The following IDUA variants were observed in gnomAD, a reference collection of about 807,000 sequenced individuals.
IDUA encodes the protein iduronidase alpha-L-.
IDUA carries 65 observed loss-of-function variants against 68.9 expected under a neutral mutation model. That is an observed-to-expected ratio of 0.94 (90% confidence interval 0.77 to 1.16). The LOEUF is 1.16. IDUA is among the 50% of genes most tolerant of loss of function. The pLI is 0.00. For missense variants in IDUA, 1,046 were observed against 938.0 expected (o/e 1.12, Z -1.50); for synonymous variants, 529 against 433.6 (o/e 1.22, Z -2.73).
rs1715022748 is a variant in IDUA, at chr4:1,000,754, T to G, written c.385+57T>G. 5 of 1,414,808 alleles carry G rather than the reference T, an allele frequency of 3.5e-6. No homozygotes were observed. The East Asian group carries it at 1.2e-4, about 34-fold the overall frequency. 87.6% of individuals were successfully genotyped at this position (1,414,808 alleles called of 1,614,324 possible). A position where few individuals can be genotyped will look rare whatever the true frequency, so the allele number is the denominator to read the frequency against. ...CTGCACCCCCTTGCCCTGCCCACCCTCTCCCTCACCCAGCCCCTCTGAGTC... is the reference window on the plus strand; with the variant it reads ...CTGCACCCCCTTGCCCTGCCCACCCGCTCCCTCACCCAGCCCCTCTGAGTC... On this transcript the variant is annotated intron_variant, in intron 3 of 13. Transcript: ENST00000514224.
chr4:989,839 T>C, intron 2 of IDUA: 2 of 1,579,364 alleles, frequency 1.3e-6, no homozygotes, highest in South Asian at 1.2e-5. Flanking sequence ...AGAGTAGCCG[T>C]GACTGCGGGC....
chr4:1,001,936 C>T, intron 6 of IDUA, 46 bp from the exon 7 acceptor site: 2 of 1,569,752 alleles, frequency 1.3e-6, no homozygotes, highest in South Asian at 2.3e-5. Context: ...CCGCTGTGCC[C>T]CGGGCCGCGC....
At chr4:993,780 C>T (rs560903839) in intron 2 of IDUA, among the ~76,000 whole-genome samples, 137 of 152,324 alleles carry the variant, frequency 9.0e-4, no homozygotes, top group South Asian at 2.7e-3. Context: ...CGCCGGACAC[C>T]CTCCTGGTCC....
In IDUA at chr4:1,001,757, A is replaced by T; in HGVS notation, c.668A>T (p.Asp223Val). 1 of 1,595,192 alleles carries T rather than the reference A, an allele frequency of 6.3e-7. No homozygotes were observed. The highest frequency in any genetic ancestry group is 8.5e-7 in the Non-Finnish European group (1 of 1,176,294). The part of the protein sequence containing the change: ...SPALRLGGPG[D>V]SFHTPPRSPL... ...GCCCTGCGGCTGGGAGGCCCCGGCG[A>T]CTCCTTCCACACCCCACCGCGATCC... Residue 223 changes from aspartate to valine, a missense_variant, in exon 6 of 14, where the codon GAC (aspartate) becomes GTC (valine). Transcript: ENST00000514224.
At chr4:1,003,769 C>T (rs1715274193) in intron 12 of IDUA, 144 bp downstream of exon 12, 11 of 978,522 alleles carry the variant, frequency 1.1e-5, no homozygotes, top group Non-Finnish European at 1.7e-5. Context: ...GCCCTTCACC[C>T]CACACACTGT....
Position 999,957 on chromosome 4 carries a change from C to T in IDUA, c.300-655C>T, listed in dbSNP as rs1229292334. ...GCCTGTCCCCTCGGAATGCAGGCCT[C>T]GTGGGAATTCAGCCCCATCTGCAAG... On this transcript the variant is annotated intron_variant, in intron 2 of 13. Transcript: ENST00000514224. 5 of 133,886 alleles carry T rather than the reference C, an allele frequency of 3.7e-5. 1 individual carries two copies. Among genetic ancestry groups the T allele is most frequent in the African/African-American group, 5.7e-5 (2 of 34,950 alleles). The allele number at this position is 133,886 out of a possible 1,614,324, so 8.3% of individuals were successfully genotyped here. A position where few individuals can be genotyped will look rare whatever the true frequency, so the allele number is the denominator to read the frequency against.
intron 2 of IDUA, chr4:989,511 G>A: frequency 6.4e-7 from 1 of 1,553,838 alleles, no homozygotes; most frequent in South Asian, 1.2e-5. Flanking sequence ...TGGCCGCGGT[G>A]CCTGCCCAGA....
chr4:1,002,294 T>C lies in IDUA; in HGVS notation c.998T>C (p.Leu333Pro), dbSNP rs1264690060. Residue 333 changes from leucine to proline, a missense_variant, in exon 8 of 14, where the codon CTA becomes CCA. Leu to Pro is a moderately conservative substitution (Grantham distance 98). Coordinates refer to ENST00000514224, the MANE Select transcript of IDUA (RefSeq NM_000203.5). The stretch of plus-strand genomic sequence containing the variant: ...GTCATCGCGCAGCATCAGAACCTGC[T>C]ACTGGCCAACACCACCTCCGCCTTC... ...VKVIAQHQNL[L>P]LANTTSAFPY... 6.2e-7 allele frequency: 1 copy of C among 1,612,694 alleles called. No homozygotes were observed. Among genetic ancestry groups the C allele is most frequent in the South Asian group, 1.1e-5 (1 of 91,032 alleles).
chr4:1,001,044 G>A (rs1395322388), intron 4 of IDUA, 55 bp downstream of exon 4: 3 of 1,249,146 alleles, frequency 2.4e-6, no homozygotes, highest in African/African-American at 1.5e-5. Flanking sequence ...TCCTGGGCAG[G>A]TTGCACCCCT....
chr4:996,700 G>A (rs1482938412), intron 2 of IDUA, among the ~76,000 whole-genome samples: 1 of 152,218 alleles, frequency 6.6e-6, no homozygotes, highest in African/African-American at 2.4e-5. Context: ...AGGATCCTTG[G>A]GGCCTGACCT....
intron 2 of IDUA, chr4:989,086 G>A (rs1355957808): frequency 1.3e-5 from 21 of 1,598,418 alleles, no homozygotes; most frequent in East Asian, 4.6e-5. Flanking sequence ...GAACAGCAGC[G>A]GGGCGCAGTC....
At chr4:1,002,666 C>T (rs879280046) in intron 8 of IDUA, 66 bp from the exon 9 acceptor site, 14 of 1,262,204 alleles carry the variant, frequency 1.1e-5, no homozygotes, top group African/African-American at 1.6e-5. Flanking sequence ...GTGGGAGGCC[C>T]GGCCCTGGGT....
chr4:990,545 A>C, intron 2 of IDUA: 1 of 619,250 alleles, frequency 1.6e-6, no homozygotes. Context: ...ACGCGTGCTC[A>C]TGCCCGCAGA....
intron 2 of IDUA, chr4:991,345 T>A (rs765451526): frequency 6.2e-7 from 1 of 1,612,672 alleles, no homozygotes; most frequent in Non-Finnish European, 8.5e-7. Context: ...CACGGAGACA[T>A]GCCGTGAGGT....
rs763285972 is a variant in IDUA, at chr4:991,908, C to G, written c.299+3959C>G. ...GCCCCCTGCCCGGTATGGATGGACG[C>G]TGGGCCCTGCTGGATCCAGAATCCA... On this transcript the variant is annotated intron_variant, in intron 2 of 13. Coordinates refer to ENST00000514224, the MANE Select transcript of IDUA (RefSeq NM_000203.5). 6 of 1,067,578 alleles carry G rather than the reference C, an allele frequency of 5.6e-6. No individual in the cohort carries two copies. The South Asian group carries it at 6.8e-5, about 12-fold the overall frequency. The allele number at this position is 1,067,578 out of a possible 1,614,324, so 66.1% of individuals were successfully genotyped here. A position where few individuals can be genotyped will look rare whatever the true frequency, so the allele number is the denominator to read the frequency against.
At chr4:999,020 T>C (rs55796339) in intron 2 of IDUA, among the ~76,000 whole-genome samples, 29,697 of 151,762 alleles carry the variant, frequency 0.2, 3,113 homozygotes, top group East Asian at 0.31. Flanking sequence ...CTGGCTAACA[T>C]GGTGAAACTC....
intron 2 of IDUA, among the ~76,000 whole-genome samples, chr4:998,132 G>A (rs938684257): frequency 1.3e-5 from 2 of 152,176 alleles, no homozygotes; most frequent in Admixed American, 1.3e-4. Context: ...GGGAGGAGAG[G>A]TGGTAGGGGC....
chr4:997,716 C>T (rs1433947034), intron 2 of IDUA, among the ~76,000 whole-genome samples: 1 of 152,154 alleles, frequency 6.6e-6, no homozygotes, highest in African/African-American at 2.4e-5. Context: ...TCCCCAGCGT[C>T]GGTCTCTCAA....
chr4:1,003,898 G>A lies in IDUA; in HGVS notation c.1728-114G>A. On this transcript the variant is annotated intron_variant, in intron 12 of 13. Transcript: ENST00000514224. ...AAGAGTGCCCAGGGGCTGGGGAGGT[G>A]CCGCCGAGGGGCTTGAGGGAATGAG... is the stretch of plus-strand genomic sequence containing the variant. 3.2e-6 allele frequency: 3 copies of A among 951,908 alleles called. No homozygotes were observed. The South Asian group carries it at 3.9e-5, about 12-fold the overall frequency. The allele number at this position is 951,908 out of a possible 1,614,324, so 59.0% of individuals were successfully genotyped here.
Sources: allele counts gnomAD v4.1 joint callset (sites outside exome capture counted in the v4.1 genomes callset), GRCh38; gene constraint gnomAD v4.1.1; transcripts MANE v1.5; gene names NCBI Gene and HGNC (gene_info 2026-07-23, HGNC 2026-07-21).